ERI3: variants seen among roughly 807,000 people sequenced by gnomAD.
The protein encoded by ERI3 is ERI1 exoribonuclease family member 3.
In ERI3, 18 loss-of-function variants were observed where a neutral mutation model predicts 44.4. The ratio of observed to expected loss-of-function variants is 0.41; its 90% CI spans 0.28 to 0.60. The LOEUF (loss-of-function observed/expected upper bound fraction) is 0.60, where lower values mean the gene tolerates loss of function less well. Ranked by LOEUF, ERI3 falls within the 20% of genes least tolerant of loss-of-function variation. ERI3 has a pLI of 0.36. For synonymous variants in ERI3, 183 were observed against 164.8 expected, an observed-to-expected ratio of 1.11 and a Z score of -0.84; for missense variants, 294 against 435.5, an observed-to-expected ratio of 0.68 and a Z score of 2.89.
intron 4 of ERI3, among the ~76,000 whole-genome samples, chr1:44,313,681 A>G (rs1186576648): frequency 6.6e-6 from 1 of 152,108 alleles, no homozygotes; most frequent in Non-Finnish European, 1.5e-5. Context: ...ACTTGGTTTC[A>G]AGTCCACCCC....
rs571821711 is a variant in ERI3, at chr1:44,272,413, G to C, written c.831+12422C>G. Among the ~76,000 whole-genome samples, 7 of 152,318 alleles carry C rather than the reference G, an allele frequency of 4.6e-5. 1 individual carries two copies. In the South Asian group the frequency reaches 1.4e-3, roughly 32 times the overall value. On this transcript the variant is annotated intron_variant, in intron 7 of 8. Coordinates refer to ENST00000372257, the MANE Select transcript of ERI3 (RefSeq NM_024066.3). ...TCCAAAGCTCTTCCTTTGCACAGCA[G>C]TTTCTAGCTGTGAGCCACATCCCAC...
chr1:44,254,846 T>C (rs1644750606), intron 7 of ERI3, among the ~76,000 whole-genome samples: 1 of 151,624 alleles, frequency 6.6e-6, no homozygotes, highest in Non-Finnish European at 1.5e-5. Context: ...ACCGTACTTG[T>C]GCTTTACAGG....
intron 6 of ERI3, among the ~76,000 whole-genome samples, chr1:44,305,277 G>C (rs1163894359): frequency 6.6e-6 from 1 of 152,192 alleles, no homozygotes; most frequent in Non-Finnish European, 1.5e-5. Flanking sequence ...TGCCTGTGCA[G>C]GTGTCCCTTC....
chr1:44,253,462 C>A (rs1644722728), intron 7 of ERI3, among the ~76,000 whole-genome samples: 1 of 152,222 alleles, frequency 6.6e-6, no homozygotes, highest in Admixed American at 6.5e-5. Flanking sequence ...AGTTCCCTCT[C>A]CCTTTCCCAG....
chr1:44,354,328 C>T, intron 1 of ERI3: 1 of 985,426 alleles, frequency 1.0e-6, no homozygotes, highest in Non-Finnish European at 1.2e-6. Flanking sequence ...GGACAAAATC[C>T]AAACCCCCAT....
intron 8 of ERI3, among the ~76,000 whole-genome samples, chr1:44,227,364 G>A (rs1054447600): frequency 3.3e-5 from 5 of 152,122 alleles, no homozygotes; most frequent in African/African-American, 1.2e-4. Flanking sequence ...AACCATGCAT[G>A]GTAAGGGTGA....
intron 7 of ERI3, among the ~76,000 whole-genome samples, chr1:44,278,776 TTTTTTAA>T (rs1645230378): frequency 1.3e-5 from 2 of 152,170 alleles, no homozygotes; most frequent in African/African-American, 4.8e-5. Context: ...ATTTTTTGTA[TTTTTTAA>T]ATAAAGACGA....
intron 8 of ERI3, among the ~76,000 whole-genome samples, chr1:44,240,373 G>C (rs1644407307): frequency 2.0e-5 from 3 of 152,202 alleles, no homozygotes; most frequent in Admixed American, 1.3e-4. Context: ...GCTAGTAGCT[G>C]AATGAACTTC....
chr1:44,225,425 G>A (rs1644013803), intron 8 of ERI3, among the ~76,000 whole-genome samples: 1 of 152,160 alleles, frequency 6.6e-6, no homozygotes, highest in African/African-American at 2.4e-5. Flanking sequence ...ACCATACCTG[G>A]TCAGGCTAAC....
Position 44,248,702 on chromosome 1 carries a change from A to AGTGT in ERI3, c.832-668_832-665dup, listed in dbSNP as rs143570480. On this transcript the variant is annotated intron_variant, in intron 7 of 8. Transcript: ENST00000372257. ...GTGTGTATGTATGTGTGTGAGAGAG[A>AGTGT]GTGTGTGTGTGTGTGTGTGTGTGTG... 2.8e-3 allele frequency among the ~76,000 whole-genome samples: 414 copies of AGTGT among 148,450 alleles called. 1 individual carries two copies. Among genetic ancestry groups the AGTGT allele is most frequent in the African/African-American group, 5.3e-3 (212 of 40,202 alleles).
In ERI3 at chr1:44,352,882, G is replaced by A. The variant is rs1421005468; in HGVS notation, c.179C>T (p.Ala60Val). The A allele has an allele frequency of 6.2e-7, 1 of 1,614,136 alleles. No individual in the cohort carries two copies. The highest frequency in any genetic ancestry group is 2.2e-5 in the East Asian group (1 of 44,882). ...TACTTCGAAGATGCCAAGACCGGCA[G>A]CTGGGGATGCTGAAGGTTCTGTGAG... ...PALTEPSASP[A>V]AGLGIFEVRR... is the part of the protein sequence containing the mutation. Residue 60 changes from alanine (A) to valine (V), a missense_variant, in exon 2 of 9, where the codon GCT (alanine) becomes GTT (valine). Around this residue, in one of 2 missense-constraint regions of ERI3, gnomAD observed 107 missense variants for 96.9 expected, o/e 1.10. Coordinates refer to ENST00000372257, the MANE Select transcript of ERI3 (RefSeq NM_024066.3).
At chr1:44,353,908 G>A (rs1646945475) in intron 1 of ERI3, 2 of 985,326 alleles carry the variant, frequency 2.0e-6, no homozygotes, top group Non-Finnish European at 2.4e-6. Flanking sequence ...TGAGGAAAAG[G>A]CAGCCAAGTG....
At chr1:44,223,533 G>A (rs1643955824) in intron 8 of ERI3, among the ~76,000 whole-genome samples, 1 of 152,150 alleles carries the variant, frequency 6.6e-6, no homozygotes, top group Admixed American at 6.5e-5. Context: ...CGTGGCCGCT[G>A]TGCATATTAA....
chr1:44,244,435 C>G (rs911452327), intron 8 of ERI3, among the ~76,000 whole-genome samples: 1 of 152,170 alleles, frequency 6.6e-6, no homozygotes, highest in Non-Finnish European at 1.5e-5. Context: ...GTCCCCAGGG[C>G]CAAGCCCACA....
rs372090718 is a variant in ERI3, at chr1:44,339,340, T to TAA, written c.212-20_212-19dup. On this transcript the variant is annotated intron_variant, in intron 2 of 8. Coordinates refer to ENST00000372257, the MANE Select transcript of ERI3 (RefSeq NM_024066.3). ...ATCTAAAACTTAGGGGAGGAAAGTT[T>TAA]AAAAAAAAAAAAAAAAAAGAAAAGA... The TAA allele has an allele frequency of 2.1e-3, 2,077 of 972,146 alleles. No individual in the cohort carries two copies. The highest frequency in any genetic ancestry group is 2.3e-3 in the Non-Finnish European group (1,765 of 772,694). 60.2% of individuals were successfully genotyped at this position (972,146 alleles called of 1,614,324 possible).
At chr1:44,231,294 T>C (rs1196756050) in intron 8 of ERI3, among the ~76,000 whole-genome samples, 1 of 152,190 alleles carries the variant, frequency 6.6e-6, no homozygotes, top group Non-Finnish European at 1.5e-5. Flanking sequence ...TATACTTTTT[T>C]TTTCACTCAC....
chr1:44,243,057 G>A (rs920073764), intron 8 of ERI3, among the ~76,000 whole-genome samples: 2 of 152,240 alleles, frequency 1.3e-5, no homozygotes, highest in African/African-American at 2.4e-5. Flanking sequence ...GAGCTAATGC[G>A]TTCTGACTGG....
intron 4 of ERI3, among the ~76,000 whole-genome samples, chr1:44,316,966 A>C (rs1315353292): frequency 6.6e-6 from 1 of 152,198 alleles, no homozygotes; most frequent in Non-Finnish European, 1.5e-5. Flanking sequence ...GAAACTAAGA[A>C]GGGACCTCAA....
chr1:44,236,078 C>G (rs956968294), intron 8 of ERI3, among the ~76,000 whole-genome samples: 1 of 152,204 alleles, frequency 6.6e-6, no homozygotes, highest in Non-Finnish European at 1.5e-5. Flanking sequence ...AGTGGAGGCA[C>G]TGACTGGGGA....
Sources: gnomAD v4.1 joint callset for allele counts (sites outside exome capture counted in the v4.1 genomes callset) on GRCh38, gnomAD v4.1.1 for gene constraint, gnomAD v4.1.1 regional missense constraint, MANE v1.5 for transcripts, NCBI Gene and HGNC (gene_info 2026-07-23, HGNC 2026-07-21) for gene names.